FGF12: variants seen among roughly 807,000 people sequenced by gnomAD.
FGF12 encodes the protein fibroblast growth factor 12B.
In FGF12, 14 loss-of-function variants were observed where a neutral mutation model predicts 23.6. That is an observed-to-expected ratio of 0.59 (90% confidence interval 0.39 to 0.93). The LOEUF is 0.93. FGF12 is among the 40% of genes least tolerant of loss of function. The pLI, the probability that FGF12 is intolerant of heterozygous loss-of-function variation, is 0.00. For synonymous variants in FGF12, 62 were observed against 77.3 expected (o/e 0.80, Z 1.04); for missense variants, 175 against 217.8 (o/e 0.80, Z 1.24).
At chr3:192,270,217 C>T (rs2108627268) in intron 4 of FGF12, among the ~76,000 whole-genome samples, 1 of 152,256 alleles carries the variant, frequency 6.6e-6, no homozygotes, top group Middle Eastern at 3.4e-3. Flanking sequence ...GGTCTTGAAA[C>T]AACTTCCCAC....
chr3:192,212,905 C>G (rs1425177790), intron 4 of FGF12, among the ~76,000 whole-genome samples: 1 of 152,096 alleles, frequency 6.6e-6, no homozygotes, highest in African/African-American at 2.4e-5. Flanking sequence ...ATGTGTAATA[C>G]AATAAAGAGA....
chr3:192,659,128 G>A (rs1057303940), intron 2 of FGF12, among the ~76,000 whole-genome samples: 1 of 152,114 alleles, frequency 6.6e-6, no homozygotes, highest in Non-Finnish European at 1.5e-5. Flanking sequence ...CTCAACAATG[G>A]ACATCATCTA....
chr3:192,180,373 A>C (rs893993023), intron 4 of FGF12, among the ~76,000 whole-genome samples: 2 of 152,234 alleles, frequency 1.3e-5, no homozygotes, highest in Non-Finnish European at 2.9e-5. Context: ...CGACATATCT[A>C]GAGCAGATAT....
rs548009768 is a variant in FGF12 at position 192,337,070 on chromosome 3, C to A, written c.125-1606G>T. 5.3e-5 allele frequency among the ~76,000 whole-genome samples: 8 copies of A among 152,196 alleles called. No homozygotes were observed. In the East Asian group the frequency reaches 1.5e-3, roughly 29 times the overall value. Reference sequence around the variant, plus strand: ...TTTCTTGCTATATTCTTACCAGTGTCCTTGTGTTACTGAAACAACTTAAGA... The same window carrying A: ...TTTCTTGCTATATTCTTACCAGTGTACTTGTGTTACTGAAACAACTTAAGA... On this transcript the variant is annotated intron_variant, in intron 3 of 5. Coordinates refer to ENST00000445105, the MANE Select transcript of FGF12 (RefSeq NM_004113.6).
intron 2 of FGF12, among the ~76,000 whole-genome samples, chr3:192,494,872 T>G (rs545348400): frequency 1.3e-5 from 2 of 151,550 alleles, no homozygotes; most frequent in East Asian, 3.9e-4. Flanking sequence ...AATACATTTT[T>G]CTTTTTGAGA....
intron 4 of FGF12, among the ~76,000 whole-genome samples, chr3:192,246,740 G>A (rs1469808254): frequency 6.6e-6 from 1 of 150,552 alleles, no homozygotes; most frequent in African/African-American, 2.4e-5. Flanking sequence ...CAGGAGAATC[G>A]CTTGAACCCG....
intron 4 of FGF12, among the ~76,000 whole-genome samples, chr3:192,233,593 T>C (rs1023729002): frequency 3.9e-5 from 6 of 152,198 alleles, no homozygotes; most frequent in African/African-American, 1.4e-4. Flanking sequence ...TGCAATTACT[T>C]TTGCAGACTT....
chr3:192,179,625 A>G (rs1347262136), intron 4 of FGF12, among the ~76,000 whole-genome samples: 2 of 151,068 alleles, frequency 1.3e-5, no homozygotes, highest in East Asian at 3.9e-4. Context: ...TGCTCACTGC[A>G]ACCTCCGCCT....
chr3:192,400,723 A>G (rs908379420), intron 2 of FGF12, among the ~76,000 whole-genome samples: 6 of 152,152 alleles, frequency 3.9e-5, no homozygotes, highest in Non-Finnish European at 7.4e-5. Flanking sequence ...TTTGACCTCT[A>G]TCAACCCTGC....
chr3:192,249,266 T>A (rs911469677), intron 4 of FGF12, among the ~76,000 whole-genome samples: 5 of 152,180 alleles, frequency 3.3e-5, no homozygotes, highest in African/African-American at 1.2e-4. Context: ...AACTCAAGTA[T>A]GAATCTAGTA....
chr3:192,214,018 CT>C (rs1383992277), intron 4 of FGF12, among the ~76,000 whole-genome samples: 1 of 152,132 alleles, frequency 6.6e-6, no homozygotes, highest in Non-Finnish European at 1.5e-5. Context: ...ACTTTTCTCC[CT>C]GTGTGTCCAT....
chr3:192,546,969 T>C (rs1490935756), intron 2 of FGF12, among the ~76,000 whole-genome samples: 2 of 152,096 alleles, frequency 1.3e-5, no homozygotes, highest in African/African-American at 4.8e-5. Flanking sequence ...GAGGATCGCT[T>C]GAGCCCAGGA....
chr3:192,569,843 C>A (rs944492349), intron 2 of FGF12, among the ~76,000 whole-genome samples: 1 of 152,042 alleles, frequency 6.6e-6, no homozygotes, highest in East Asian at 1.9e-4. Context: ...TGGAAGGTTG[C>A]AATAGGGAAA....
intron 2 of FGF12, among the ~76,000 whole-genome samples, chr3:192,574,323 C>A (rs1712782174): frequency 6.6e-6 from 1 of 152,188 alleles, no homozygotes; most frequent in Admixed American, 6.5e-5. Context: ...AATGAAGCCT[C>A]AATTCTTAGC....
intron 2 of FGF12, among the ~76,000 whole-genome samples, chr3:192,603,673 G>A (rs1714213104): frequency 1.3e-5 from 2 of 152,054 alleles, no homozygotes; most frequent in African/African-American, 2.4e-5. Context: ...CAAAAGGGGA[G>A]GGGGTGTCTG....
intron 2 of FGF12, among the ~76,000 whole-genome samples, chr3:192,577,590 G>A (rs1712964052): frequency 6.6e-6 from 1 of 152,210 alleles, no homozygotes; most frequent in Admixed American, 6.5e-5. Flanking sequence ...AGGAAACTCT[G>A]CCATATGGCA....
At chr3:192,673,713 T>C (rs1717219423) in intron 2 of FGF12, among the ~76,000 whole-genome samples, 1 of 151,270 alleles carries the variant, frequency 6.6e-6, no homozygotes, top group African/African-American at 2.4e-5. Context: ...GCAAAGGACA[T>C]GATCTCATTC....
chr3:192,421,201 C>T (rs1431876977), intron 2 of FGF12, among the ~76,000 whole-genome samples: 1 of 152,030 alleles, frequency 6.6e-6, no homozygotes, highest in African/African-American at 2.4e-5. Context: ...AGTTGTGTGA[C>T]CATAGAAAGG....
intron 2 of FGF12, among the ~76,000 whole-genome samples, chr3:192,398,385 T>C (rs1438175786): frequency 6.8e-6 from 1 of 146,144 alleles, no homozygotes; most frequent in Non-Finnish European, 1.5e-5. Flanking sequence ...TTTTCTTTTT[T>C]CTTTTTTTTT....
Sources: allele counts gnomAD v4.1 joint callset (sites outside exome capture counted in the v4.1 genomes callset), GRCh38; gene constraint gnomAD v4.1.1; transcripts MANE v1.5; gene names NCBI Gene and HGNC (gene_info 2026-07-23, HGNC 2026-07-21).